The following CABCOCO1 variants were observed in gnomAD, a reference collection of about 807,000 sequenced individuals.
The protein encoded by CABCOCO1 is ciliary associated calcium binding coiled-coil 1.
Under a neutral mutation model 35.7 loss-of-function variants are expected in CABCOCO1, and 28 were observed. The ratio of observed to expected loss-of-function variants is 0.78; its 90% CI spans 0.58 to 1.07. The LOEUF (loss-of-function observed/expected upper bound fraction) is 1.07, where lower values mean the gene tolerates loss of function less well. CABCOCO1 is among the 50% of genes least tolerant of loss of function. The pLI is 0.00. For synonymous variants in CABCOCO1, 95 were observed against 100.1 expected (o/e 0.95, Z 0.30); for missense variants, 326 against 309.2 (o/e 1.05, Z -0.41).
intron 5 of CABCOCO1, among the ~76,000 whole-genome samples, chr10:61,733,236 T>A (rs2132056822): frequency 6.6e-6 from 1 of 152,158 alleles, no homozygotes; most frequent in African/African-American, 2.4e-5. Flanking sequence ...TAAAGCATTA[T>A]ATAATTTTAA....
chr10:61,755,681 T>G (rs1194949508), intron 5 of CABCOCO1, among the ~76,000 whole-genome samples: 3 of 152,042 alleles, frequency 2.0e-5, no homozygotes, highest in Admixed American at 6.6e-5. Context: ...ATTTTAATAA[T>G]TTAATAATTA....
rs200867627 is a variant in CABCOCO1 at position 61,669,020 on chromosome 10, G to GAAAAAAAAAAAAA, written c.61-3611_61-3599dup. 2.0e-3 allele frequency among the ~76,000 whole-genome samples: 207 copies of GAAAAAAAAAAAAA among 102,456 alleles called. 9 individuals are homozygous for GAAAAAAAAAAAAA. Among genetic ancestry groups the GAAAAAAAAAAAAA allele is most frequent in the African/African-American group, 5.6e-3 (185 of 32,964 alleles). 67.2% of individuals were successfully genotyped at this position (102,456 alleles called of 152,430 possible). On this transcript the variant is annotated intron_variant, in intron 1 of 7. Coordinates refer to ENST00000648843, the MANE Select transcript of CABCOCO1 (RefSeq NM_001366906.2). ...TGGTTCATTTATTTTAAGGGTTGGG[G>GAAAAAAAAAAAAA]AAAAAAAAAAAAACACCTTCCAAGT...
chr10:61,715,265 A>G (rs1840833997), intron 5 of CABCOCO1, among the ~76,000 whole-genome samples: 1 of 152,136 alleles, frequency 6.6e-6, no homozygotes, highest in East Asian at 1.9e-4. Flanking sequence ...ACCATTATGT[A>G]ATGGCCTTCT....
In CABCOCO1 at chr10:61,723,323, T is replaced by A. The variant is rs538958278; in HGVS notation, c.552+32702T>A. Among the ~76,000 whole-genome samples the A allele has an allele frequency of 2.0e-5, 3 of 152,212 alleles. No individual in the cohort carries two copies. In the East Asian group the frequency reaches 5.8e-4, roughly 29 times the overall value. On this transcript the variant is annotated intron_variant, in intron 5 of 7. Transcript: ENST00000648843. ...ATAGGGGCTTTTACTAAAATACGAA[T>A]ATAAGAATATTTAACATTTTTATAG...
chr10:61,728,694 C>G (rs1486676829), intron 5 of CABCOCO1, among the ~76,000 whole-genome samples: 1 of 152,098 alleles, frequency 6.6e-6, no homozygotes, highest in African/African-American at 2.4e-5. Context: ...TTTGACCAAG[C>G]TAAGCTTCTG....
At chr10:61,765,812 G>C in intron 7 of CABCOCO1, 127 bp from the exon 8 acceptor site, 1 of 773,548 alleles carries the variant, frequency 1.3e-6, no homozygotes, top group Non-Finnish European at 2.1e-6. Flanking sequence ...AGCTATGTCT[G>C]CAAAACAGGA....
chr10:61,684,491 T>C (rs1270331038), intron 3 of CABCOCO1, among the ~76,000 whole-genome samples: 1 of 152,108 alleles, frequency 6.6e-6, no homozygotes, highest in Admixed American at 6.5e-5. Context: ...TCAGCCTGTG[T>C]TCTCATAACT....
intron 1 of CABCOCO1, among the ~76,000 whole-genome samples, chr10:61,669,501 A>G (rs933146046): frequency 5.9e-5 from 9 of 152,070 alleles, no homozygotes; most frequent in Non-Finnish European, 1.3e-4. Context: ...ACAAAGCAGA[A>G]TGTATGTGTT....
intron 3 of CABCOCO1, among the ~76,000 whole-genome samples, chr10:61,682,632 A>T (rs983140320): frequency 6.6e-6 from 1 of 152,194 alleles, no homozygotes; most frequent in African/African-American, 2.4e-5. Flanking sequence ...TTCAGGTAAC[A>T]TTTATGTAGA....
chr10:61,666,308 C>T (rs1301647973), intron 1 of CABCOCO1, among the ~76,000 whole-genome samples: 1 of 152,132 alleles, frequency 6.6e-6, no homozygotes, highest in Non-Finnish European at 1.5e-5. Context: ...AAGTATTTCT[C>T]GAAATTATGA....
At chr10:61,670,071 A>G (rs1839311341) in intron 1 of CABCOCO1, among the ~76,000 whole-genome samples, 1 of 152,116 alleles carries the variant, frequency 6.6e-6, no homozygotes, top group South Asian at 2.1e-4. Context: ...GATGAAGATG[A>G]ATTTAGACAG....
At chr10:61,679,399 C>G (rs866403439) in intron 2 of CABCOCO1, among the ~76,000 whole-genome samples, 6 of 152,010 alleles carry the variant, frequency 3.9e-5, no homozygotes, top group Non-Finnish European at 5.9e-5. Context: ...TTCCAGGAAC[C>G]CTTGTCTGCA....
chr10:61,733,389 T>C (rs1226015320), intron 5 of CABCOCO1, among the ~76,000 whole-genome samples: 1 of 152,064 alleles, frequency 6.6e-6, no homozygotes, highest in Admixed American at 6.6e-5. Context: ...ATTTACCATA[T>C]GTGAAGTCTA....
chr10:61,691,300 C>A (rs569106532), intron 5 of CABCOCO1, among the ~76,000 whole-genome samples: 3 of 152,250 alleles, frequency 2.0e-5, no homozygotes, highest in African/African-American at 7.2e-5. Flanking sequence ...TTTTCTACTA[C>A]AGCATATAGT....
At chr10:61,704,389 T>C (rs1393707078) in intron 5 of CABCOCO1, among the ~76,000 whole-genome samples, 1 of 152,228 alleles carries the variant, frequency 6.6e-6, no homozygotes, top group African/African-American at 2.4e-5. Flanking sequence ...GTGGCTTCCA[T>C]CTCAGTTCCT....
At chr10:61,677,403 A>C (rs1313317675) in intron 2 of CABCOCO1, among the ~76,000 whole-genome samples, 2 of 152,200 alleles carry the variant, frequency 1.3e-5, no homozygotes, top group East Asian at 3.8e-4. Context: ...ATCTATTATT[A>C]ACTGTATTTA....
intron 5 of CABCOCO1, among the ~76,000 whole-genome samples, chr10:61,749,054 T>C (rs1225711895): frequency 6.6e-6 from 1 of 152,258 alleles, no homozygotes; most frequent in Admixed American, 6.5e-5. Flanking sequence ...ATATTTAATT[T>C]TAATCATTAA....
rs557960533 is a variant in CABCOCO1, at chr10:61,724,497, C to T, written c.552+33876C>T. ...TTTCTTTATCTTAATATCTGATAAA[C>T]ATGGCATTCAAATTAATGATTGAAA... On this transcript the variant is annotated intron_variant, in intron 5 of 7. Coordinates refer to ENST00000648843, the MANE Select transcript of CABCOCO1 (RefSeq NM_001366906.2). Among the ~76,000 whole-genome samples, 39 of 152,178 alleles carry T rather than the reference C, an allele frequency of 2.6e-4. No homozygotes were observed. The South Asian group carries it at 7.0e-3, about 27-fold the overall frequency.
intron 5 of CABCOCO1, among the ~76,000 whole-genome samples, chr10:61,738,760 T>C (rs953878818): frequency 6.6e-6 from 1 of 152,216 alleles, no homozygotes; most frequent in Non-Finnish European, 1.5e-5. Flanking sequence ...GTAAAAACTA[T>C]ATTAAATCAA....
Sources: allele counts gnomAD v4.1 joint callset (sites outside exome capture counted in the v4.1 genomes callset), GRCh38; gene constraint gnomAD v4.1.1; transcripts MANE v1.5; gene names NCBI Gene and HGNC (gene_info 2026-07-23, HGNC 2026-07-21).